Variants in CYP24A1 observed in about 807,000 individuals in gnomAD.
CYP24A1 encodes cytochrome P450 family 24 subfamily A member 1.
A neutral mutation model predicts 62.4 loss-of-function variants in CYP24A1; 68 were observed. That is an observed-to-expected ratio of 1.09 (90% CI 0.90 to 1.33). The LOEUF (loss-of-function observed/expected upper bound fraction) is 1.33, where lower values mean the gene tolerates loss of function less well. Ranked by LOEUF, CYP24A1 falls within the 40% of genes most tolerant of loss-of-function variation. The pLI is 0.00. For synonymous variants in CYP24A1, 267 were observed against 253.0 expected (o/e 1.06, Z -0.52); for missense variants, 787 against 653.0 (o/e 1.21, Z -2.24).
the CYP24A1 span, among the ~76,000 whole-genome samples, chr20:54,147,152 T>C: frequency 6.6e-6 from 1 of 152,226 alleles, no homozygotes; most frequent in Non-Finnish European, 1.5e-5. Flanking sequence ...TGCATTTCCC[T>C]GAGCAAGATA....
At chr20:54,172,791 G>T (rs1212626122) in intron 2 of CYP24A1, 118 bp downstream of exon 2, 6 of 1,565,454 alleles carry the variant, frequency 3.8e-6, no homozygotes, top group South Asian at 1.2e-5. Context: ...TTTGGTATCC[G>T]CCCTACGTAA....
intron 4 of CYP24A1, 76 bp downstream of exon 4, chr20:54,169,516 G>A: frequency 6.2e-7 from 1 of 1,608,188 alleles, no homozygotes; most frequent in Non-Finnish European, 8.5e-7. Context: ...GTTTACAAAA[G>A]AGTTGTCAAA....
At chr20:54,146,421 G>T in the CYP24A1 span, among the ~76,000 whole-genome samples, 3 of 152,160 alleles carry the variant, frequency 2.0e-5, no homozygotes, top group Non-Finnish European at 4.4e-5. Flanking sequence ...GCACAATCCA[G>T]AGGACCGCTA....
intron 4 of CYP24A1, among the ~76,000 whole-genome samples, chr20:54,167,461 C>T (rs1257678577): frequency 6.6e-6 from 1 of 152,050 alleles, no homozygotes; most frequent in Non-Finnish European, 1.5e-5. Flanking sequence ...GTGGCAAAAC[C>T]CCATCTCTAC....
chr20:54,153,549 A>G lies in CYP24A1; in HGVS notation c.*1223T>C, dbSNP rs2092616557. The stretch of plus-strand genomic sequence containing the variant: ...ATAATTCTAAAAATAATTTCACAGC[A>G]GAGAGAAAGCATATACCTAGATATG... On this transcript the variant is annotated 3_prime_UTR_variant, in exon 12 of 12. Coordinates refer to ENST00000216862, the MANE Select transcript of CYP24A1 (RefSeq NM_000782.5). The G allele has an allele frequency of 6.6e-6, 1 of 152,470 alleles. No individual in the cohort carries two copies. The highest frequency in any genetic ancestry group is 1.5e-5 in the Non-Finnish European group (1 of 68,040). 9.4% of individuals were successfully genotyped at this position (152,470 alleles called of 1,614,324 possible). A position where few individuals can be genotyped will look rare whatever the true frequency, so the allele number is the denominator to read the frequency against.
At chr20:54,156,599 G>A (rs1335231433) in intron 11 of CYP24A1, among the ~76,000 whole-genome samples, 1 of 152,196 alleles carries the variant, frequency 6.6e-6, no homozygotes, top group Non-Finnish European at 1.5e-5. Flanking sequence ...CCGACAACAC[G>A]ATAATTTTAG....
At chr20:54,164,843 AAAG>A (rs1050351606) in intron 5 of CYP24A1, among the ~76,000 whole-genome samples, 1 of 151,990 alleles carries the variant, frequency 6.6e-6, no homozygotes, top group East Asian at 1.9e-4. Context: ...AAAAAAAAAA[AAAG>A]AGGAAAAACG....
intron 7 of CYP24A1, among the ~76,000 whole-genome samples, chr20:54,160,907 C>T (rs1470815974): frequency 1.3e-5 from 2 of 152,240 alleles, no homozygotes; most frequent in African/African-American, 4.8e-5. Flanking sequence ...GGGGCACAAA[C>T]TATCCTTGAT....
At chr20:54,156,291 A>G (rs2092627666) in intron 11 of CYP24A1, among the ~76,000 whole-genome samples, 2 of 152,222 alleles carry the variant, frequency 1.3e-5, no homozygotes, top group South Asian at 4.1e-4. Flanking sequence ...AATTAAATTT[A>G]TGAACTTGGA....
downstream of CYP24A1, among the ~76,000 whole-genome samples, chr20:54,150,509 A>G (rs879886391): frequency 6.6e-6 from 1 of 152,050 alleles, no homozygotes; most frequent in Non-Finnish European, 1.5e-5. Flanking sequence ...AATTTTTAGT[A>G]CAGATGGGGT....
Position 54,157,922 on chromosome 20 carries a change from G to A in CYP24A1, c.1236+164C>T, listed in dbSNP as rs770146786. Among the ~76,000 whole-genome samples the A allele has an allele frequency of 1.2e-4, 19 of 152,184 alleles. 1 individual carries two copies. The highest frequency in any genetic ancestry group is 1.6e-4 in the Non-Finnish European group (11 of 68,032). On this transcript the variant is annotated intron_variant, in intron 9 of 11. Coordinates refer to ENST00000216862, the MANE Select transcript of CYP24A1 (RefSeq NM_000782.5). ...AATGCAGGTCTCTGTCTCCATAGCC[G>A]TGAATTCTAATTCTATACTATGCAA...
chr20:54,170,607 T>G (rs944405602), intron 3 of CYP24A1, among the ~76,000 whole-genome samples: 4 of 152,220 alleles, frequency 2.6e-5, no homozygotes, highest in Non-Finnish European at 5.9e-5. Flanking sequence ...GATTTACCAC[T>G]ACTAGTTTAA....
At chr20:54,166,743 G>A (rs566741951) in intron 4 of CYP24A1, among the ~76,000 whole-genome samples, 43 of 151,604 alleles carry the variant, frequency 2.8e-4, no homozygotes, top group African/African-American at 9.7e-4. Context: ...TTAAAAAAAG[G>A]ACACAGGGCC....
intron 2 of CYP24A1, 47 bp from the exon 3 acceptor site, chr20:54,171,717 A>G: frequency 6.2e-7 from 1 of 1,614,002 alleles, no homozygotes; most frequent in Non-Finnish European, 8.5e-7. Flanking sequence ...AAAAGAAAAG[A>G]AGGAGATGCA....
intron 8 of CYP24A1, 81 bp downstream of exon 8, chr20:54,158,876 C>T (rs2092639343): frequency 6.2e-7 from 1 of 1,608,914 alleles, no homozygotes; most frequent in African/African-American, 1.3e-5. Context: ...GGAAGCCGCC[C>T]ATGAGTAGGG....
chr20:54,165,862 A>G, intron 4 of CYP24A1, 29 bp from the exon 5 acceptor site: 4 of 997,362 alleles, frequency 4.0e-6, no homozygotes, highest in Non-Finnish European at 6.5e-6. Flanking sequence ...ATCACTTTAC[A>G]CAAACAGCAA....
Position 54,173,079 on chromosome 20 carries a change from AT to A in CYP24A1, c.278del (p.Tyr93LeufsTer7), listed in dbSNP as rs2146514141. 6.2e-7 allele frequency: 1 copy of A among 1,604,346 alleles called. No individual in the cohort carries two copies. The highest frequency in any genetic ancestry group is 8.5e-7 in the Non-Finnish European group (1 of 1,179,976). On this transcript the variant is annotated frameshift_variant, in exon 2 of 12. Transcript: ENST00000216862. LOFTEE classifies it high-confidence loss of function. This position sits in a 1 kb window ranked among gnomAD's most constrained non-coding sequence, Gnocchi z 7.2. ...HDTLVEYHKK[Y>X]GKIFRMKLGS... ...CCAACTTCATGCGGAAAATCTTGCC[AT>A]ACTTCTTGTGGTACTCCACCTGCAG...
intron 3 of CYP24A1, among the ~76,000 whole-genome samples, chr20:54,170,170 A>G (rs186822993): frequency 2.6e-4 from 39 of 152,316 alleles, no homozygotes; most frequent in Admixed American, 2.2e-3. Context: ...AGATCTACCA[A>G]TTCTGGACAC....
chr20:54,147,928 G>A, the CYP24A1 span, among the ~76,000 whole-genome samples: 1 of 152,032 alleles, frequency 6.6e-6, no homozygotes, highest in African/African-American at 2.4e-5. Flanking sequence ...CTGACTCCTG[G>A]GTTCAAGCAA....
Sources: gnomAD v4.1 joint callset for allele counts (sites outside exome capture counted in the v4.1 genomes callset) on GRCh38, gnomAD v4.1.1 for gene constraint, Gnocchi (gnomAD v3.1) non-coding constraint, MANE v1.5 for transcripts, NCBI Gene and HGNC (gene_info 2026-07-23, HGNC 2026-07-21) for gene names.